Variants in CUX1 observed in about 807,000 individuals in gnomAD.
CUX1 encodes cut like homeobox 1.
Under a neutral mutation model 158.8 loss-of-function variants are expected in CUX1, and 31 were observed. The observed-to-expected ratio is 0.20, with a 90% CI of 0.15 to 0.26. The LOEUF (loss-of-function observed/expected upper bound fraction) is 0.26, where lower values mean the gene tolerates loss of function less well. Ranked by LOEUF, CUX1 falls within the 10% of genes least tolerant of loss-of-function variation. The pLI, the probability that CUX1 is intolerant of heterozygous loss-of-function variation, is 1.00. For missense variants in CUX1, 1,589 were observed against 2,014.6 expected, an observed-to-expected ratio of 0.79 and a Z score of 4.04; for synonymous variants, 879 against 862.1, an observed-to-expected ratio of 1.02 and a Z score of -0.34.
At chr7:101,828,464 T>G (rs1445287178) in intron 1 of CUX1, among the ~76,000 whole-genome samples, 1 of 152,212 alleles carries the variant, frequency 6.6e-6, no homozygotes, top group Non-Finnish European at 1.5e-5. Context: ...TTGACTCTGC[T>G]GACAGCCTGA....
intron 20 of CUX1, among the ~76,000 whole-genome samples, chr7:102,212,330 C>G (rs1554523376): frequency 6.6e-6 from 1 of 152,078 alleles, no homozygotes; most frequent in Non-Finnish European, 1.5e-5. Flanking sequence ...GCAGCCTACG[C>G]AGGCTGCCAG....
chr7:101,988,550 G>T (rs1410670557), intron 2 of CUX1, among the ~76,000 whole-genome samples: 1 of 152,064 alleles, frequency 6.6e-6, no homozygotes, highest in Non-Finnish European at 1.5e-5. Flanking sequence ...CGATTCCACA[G>T]CCCTGGGCTG....
At chr7:102,154,881 A>G (rs1412383847) in intron 8 of CUX1, among the ~76,000 whole-genome samples, 2 of 152,216 alleles carry the variant, frequency 1.3e-5, no homozygotes, top group Admixed American at 6.5e-5. Context: ...ACCTAGACCC[A>G]CATTCAGTGT....
chr7:101,936,401 G>A (rs1017006396), intron 2 of CUX1, among the ~76,000 whole-genome samples: 1 of 152,138 alleles, frequency 6.6e-6, no homozygotes, highest in Non-Finnish European at 1.5e-5. Flanking sequence ...TTTCCAGAGC[G>A]AGATGAAGGT....
At chr7:101,888,099 T>C (rs1215671193) in intron 1 of CUX1, among the ~76,000 whole-genome samples, 1 of 152,142 alleles carries the variant, frequency 6.6e-6, no homozygotes, top group Non-Finnish European at 1.5e-5. Context: ...TTTGTGAGGC[T>C]GAGGTGGGGG....
At chr7:102,063,199 C>T (rs1302403069) in intron 3 of CUX1, among the ~76,000 whole-genome samples, 3 of 151,492 alleles carry the variant, frequency 2.0e-5, no homozygotes, top group African/African-American at 7.3e-5. Context: ...AATCCAGTAG[C>T]GGCCATTAGT....
chr7:102,214,902 G>C (rs1283573172), intron 20 of CUX1, among the ~76,000 whole-genome samples: 7 of 152,196 alleles, frequency 4.6e-5, no homozygotes, highest in Admixed American at 6.5e-5. Flanking sequence ...TCCTTTCCTT[G>C]ACGGCCAAAA....
At chr7:101,943,948 G>A (rs1378895852) in intron 2 of CUX1, among the ~76,000 whole-genome samples, 6 of 133,534 alleles carry the variant, frequency 4.5e-5, no homozygotes, top group African/African-American at 1.2e-4. Flanking sequence ...GCGAGACCGC[G>A]TCTCTATTTA....
At chr7:102,216,118 A>G (rs781789128) in intron 20 of CUX1, among the ~76,000 whole-genome samples, 3 of 152,218 alleles carry the variant, frequency 2.0e-5, no homozygotes, top group Non-Finnish European at 4.4e-5. Context: ...AGCCTGGACA[A>G]CATGGGGAAA....
intron 9 of CUX1, among the ~76,000 whole-genome samples, chr7:102,166,678 CTG>C (rs1791074873): frequency 6.6e-6 from 1 of 152,242 alleles, no homozygotes; most frequent in African/African-American, 2.4e-5. Context: ...AGATCAGTGT[CTG>C]TTTCCCTGTT....
At chr7:102,229,414 C>T (rs782044504) in intron 21 of CUX1, among the ~76,000 whole-genome samples, 8 of 151,250 alleles carry the variant, frequency 5.3e-5, no homozygotes, top group East Asian at 1.9e-4. Flanking sequence ...CGGGTTCACG[C>T]GATTCTCCTG....
In CUX1 at chr7:102,257,745, A is replaced by G. The variant is rs782107462; in HGVS notation, c.*8703A>G. Reference sequence around the variant, plus strand: ...CCACTCTAGCGTTTTGTCACGTCTTACATTTTAGCAGTATTTTATATTTTC... The same window carrying G: ...CCACTCTAGCGTTTTGTCACGTCTTGCATTTTAGCAGTATTTTATATTTTC... On this transcript the variant is annotated 3_prime_UTR_variant, in exon 24 of 24. Coordinates refer to ENST00000292535, the MANE Select transcript of CUX1 (RefSeq NM_181552.4). 32 of 984,862 alleles carry G rather than the reference A, an allele frequency of 3.2e-5. No individual in the cohort carries two copies. The highest frequency in any genetic ancestry group is 3.7e-5 in the Non-Finnish European group (31 of 829,834). 61.0% of individuals were successfully genotyped at this position (984,862 alleles called of 1,614,324 possible).
chr7:101,985,648 C>T (rs531082054), intron 2 of CUX1, among the ~76,000 whole-genome samples: 1 of 152,272 alleles, frequency 6.6e-6, no homozygotes, highest in Non-Finnish European at 1.5e-5. Flanking sequence ...TCCCAAATTC[C>T]CACATCTCAG....
chr7:101,823,499 C>G (rs1399190181), intron 1 of CUX1, among the ~76,000 whole-genome samples: 1 of 152,146 alleles, frequency 6.6e-6, no homozygotes, highest in Non-Finnish European at 1.5e-5. Context: ...TCAGCCGAAG[C>G]TTGAGATCTT....
intron 12 of CUX1, among the ~76,000 whole-genome samples, chr7:102,191,750 C>T (rs1231619999): frequency 1.3e-5 from 2 of 151,614 alleles, no homozygotes; most frequent in East Asian, 3.9e-4. Flanking sequence ...TTTCTTCCTC[C>T]TCCTCTTCTT....
chr7:101,915,025 T>C (rs958560023), intron 1 of CUX1, among the ~76,000 whole-genome samples: 1 of 152,082 alleles, frequency 6.6e-6, no homozygotes, highest in Non-Finnish European at 1.5e-5. Flanking sequence ...ATCTTCAGCT[T>C]TGATTTTTCT....
chr7:102,218,747 G>A (rs1301137759), intron 20 of CUX1, among the ~76,000 whole-genome samples: 1 of 151,846 alleles, frequency 6.6e-6, no homozygotes, highest in East Asian at 2.0e-4. Flanking sequence ...AGTTTCTCGG[G>A]CAAACCTAAA....
At chr7:102,169,516 T>C (rs1446054547) in intron 9 of CUX1, among the ~76,000 whole-genome samples, 1 of 152,256 alleles carries the variant, frequency 6.6e-6, no homozygotes. Context: ...TCCTAAGTAT[T>C]AAGCCGGCAC....
In CUX1 at chr7:101,993,582, A is replaced by G. The variant is rs376217924; in HGVS notation, c.142-34516A>G. Among the ~76,000 whole-genome samples the G allele has an allele frequency of 2.6e-4, 40 of 152,222 alleles. 2 individuals are homozygous for G. The South Asian group carries it at 7.2e-3, about 28-fold the overall frequency. ...GTGCCTGGCACTCTGCGCGACTGCT[A>G]TTTTTTCATTCATTCATATATTTGT... On this transcript the variant is annotated intron_variant, in intron 2 of 23. Coordinates refer to ENST00000292535, the MANE Select transcript of CUX1 (RefSeq NM_181552.4).
Sources: allele counts gnomAD v4.1 joint callset (sites outside exome capture counted in the v4.1 genomes callset), GRCh38; gene constraint gnomAD v4.1.1; transcripts MANE v1.5; gene names NCBI Gene and HGNC (gene_info 2026-07-23, HGNC 2026-07-21).